The following TNNI3K variants were observed in gnomAD, a reference collection of about 807,000 sequenced individuals.
TNNI3K encodes the protein serine/threonine-protein kinase TNNI3K.
Under a neutral mutation model 114.5 loss-of-function variants are expected in TNNI3K, and 140 were observed. The ratio of observed to expected loss-of-function variants is 1.22; its 90% CI spans 1.07 to 1.41. The LOEUF (loss-of-function observed/expected upper bound fraction) is 1.41, where lower values mean the gene tolerates loss of function less well. TNNI3K is among the 40% of genes most tolerant of loss of function. TNNI3K has a pLI of 0.00. For synonymous variants in TNNI3K, 347 were observed against 347.5 expected (o/e 1.00, Z 0.02); for missense variants, 1,125 against 1,007.6 (o/e 1.12, Z -1.58).
intron 5 of TNNI3K, among the ~76,000 whole-genome samples, chr1:74,315,481 A>G (rs991745132): frequency 6.6e-6 from 1 of 152,038 alleles, no homozygotes; most frequent in African/African-American, 2.4e-5. Context: ...AGTAAGCTGG[A>G]TGGAGACTTG....
chr1:74,500,244 A>G (rs1415211872), intron 23 of TNNI3K, among the ~76,000 whole-genome samples: 1 of 152,002 alleles, frequency 6.6e-6, no homozygotes, highest in African/African-American at 2.4e-5. Flanking sequence ...ACTATGTTTT[A>G]TTTAGGCTTA....
intron 23 of TNNI3K, among the ~76,000 whole-genome samples, chr1:74,527,905 G>T (rs1341525765): frequency 6.6e-6 from 1 of 152,136 alleles, no homozygotes; most frequent in African/African-American, 2.4e-5. Flanking sequence ...GTGGTGGGTG[G>T]CACTGCCTGG....
intron 2 of TNNI3K, among the ~76,000 whole-genome samples, chr1:74,248,168 G>C (rs1654703102): frequency 1.3e-5 from 2 of 152,198 alleles, no homozygotes; most frequent in Admixed American, 1.3e-4. Context: ...GCCTCTCACT[G>C]CCCAGGGCTG....
At chr1:74,373,186 C>T (rs1472223504) in intron 17 of TNNI3K, 6 of 151,830 alleles carry the variant, frequency 4.0e-5, no homozygotes. Context: ...ACTAGAGTTC[C>T]ACTTTATATA....
intron 17 of TNNI3K, among the ~76,000 whole-genome samples, chr1:74,390,491 G>T (rs1196806869): frequency 6.6e-6 from 1 of 152,078 alleles, no homozygotes. Context: ...TATTCATTGA[G>T]GTCATCACAG....
intron 9 of TNNI3K, among the ~76,000 whole-genome samples, chr1:74,347,771 ATG>A (rs1442825816): frequency 1.3e-5 from 2 of 152,132 alleles, no homozygotes; most frequent in African/African-American, 4.8e-5. Flanking sequence ...GCATTTTTTC[ATG>A]TGTTTTTTGG....
At chr1:74,534,529 G>A (rs1646636384) in intron 23 of TNNI3K, among the ~76,000 whole-genome samples, 1 of 152,028 alleles carries the variant, frequency 6.6e-6, no homozygotes, top group African/African-American at 2.4e-5. Flanking sequence ...CTCTAAATGG[G>A]GCCATTTGGA....
rs113583262 is a variant in TNNI3K at position 74,450,796 on chromosome 1, G to A, written c.2011+11174G>A. Among the ~76,000 whole-genome samples the A allele has an allele frequency of 8.6e-3, 1,308 of 152,268 alleles. 22 individuals carry two copies. The highest frequency in any genetic ancestry group is 0.03 in the African/African-American group (1,230 of 41,550). On this transcript the variant is annotated intron_variant, in intron 20 of 24. Transcript: ENST00000326637. ...AAATAGGAATGCTTTTACACTGATG[G>A]TGGGTATGTAAATTGGTTCAACCAT...
Position 74,249,517 on chromosome 1 carries a change from C to G in TNNI3K, c.208C>G (p.Leu70Val). The change falls in exon 3 of 25, where the codon CTA (leucine) becomes GTA (valine). Residue 70 changes from leucine to valine, a missense_variant. Leu to Val is a conservative substitution (Grantham distance 32). Transcript: ENST00000326637. The part of the protein sequence containing the change: ...LNYRTENGLS[L>V]LHLCCICGGK... ...TTACCGCACTGAAAATGGGCTGTCT[C>G]TACTTCATTTATGTTGCATTTGTGG... 3 of 1,613,430 alleles carry G rather than the reference C, an allele frequency of 1.9e-6. No individual in the cohort carries two copies. Among genetic ancestry groups the G allele is most frequent in the Non-Finnish European group, 2.5e-6 (3 of 1,179,720 alleles).
intron 17 of TNNI3K, among the ~76,000 whole-genome samples, chr1:74,405,181 G>T (rs1664555425): frequency 6.6e-6 from 1 of 151,974 alleles, no homozygotes; most frequent in South Asian, 2.1e-4. Flanking sequence ...TTAGGTGCCA[G>T]TTGGATTATT....
At chr1:74,367,371 A>G (rs202160205) in intron 12 of TNNI3K, 29 bp downstream of exon 12, 8 of 1,606,920 alleles carry the variant, frequency 5.0e-6, no homozygotes, top group Non-Finnish European at 1.7e-6. Flanking sequence ...AGTTTTCATT[A>G]TTGTATAATA....
intron 11 of TNNI3K, among the ~76,000 whole-genome samples, chr1:74,360,974 C>T (rs932019693): frequency 2.6e-5 from 4 of 152,140 alleles, no homozygotes; most frequent in Non-Finnish European, 4.4e-5. Context: ...TTGTTGAAAT[C>T]AGTAAGAGAG....
At chr1:74,268,496 G>C (rs575464134) in intron 4 of TNNI3K, among the ~76,000 whole-genome samples, 2 of 151,928 alleles carry the variant, frequency 1.3e-5, no homozygotes, top group South Asian at 4.2e-4. Context: ...GTTTGTTGCA[G>C]TGCCTAACTC....
intron 23 of TNNI3K, among the ~76,000 whole-genome samples, chr1:74,538,824 G>C (rs1341415749): frequency 6.6e-6 from 1 of 152,120 alleles, no homozygotes; most frequent in East Asian, 1.9e-4. Flanking sequence ...GAGCTTGGAG[G>C]GTTCAAGAGA....
intron 23 of TNNI3K, among the ~76,000 whole-genome samples, chr1:74,518,399 C>A (rs1646379592): frequency 6.6e-6 from 1 of 152,048 alleles, no homozygotes; most frequent in Non-Finnish European, 1.5e-5. Flanking sequence ...CATTTTCGTT[C>A]TTCTTCTTTA....
chr1:74,432,231 AT>A (rs1375172848), intron 17 of TNNI3K, among the ~76,000 whole-genome samples: 1 of 152,104 alleles, frequency 6.6e-6, no homozygotes, highest in Admixed American at 6.6e-5. Flanking sequence ...ATCAAATCAA[AT>A]TTTGCTGATT....
chr1:74,250,738 G>C lies in TNNI3K; in HGVS notation c.302G>C (p.Gly101Ala). 6.2e-7 allele frequency: 1 copy of C among 1,612,568 alleles called. No homozygotes were observed. Among genetic ancestry groups the C allele is most frequent in the Non-Finnish European group, 8.5e-7 (1 of 1,179,436 alleles). The change falls in exon 4 of 25, where the codon GGA (glycine) becomes GCA (alanine). Residue 101 changes from glycine to alanine, a missense_variant. Transcript: ENST00000326637. ...CGCCCATCTCGACTGACAAGAAATG[G>C]ATTTACAGCCTTGCATTTAGCAGTT... ...GLRPSRLTRN[G>A]FTALHLAVYK... is the part of the protein sequence containing the mutation.
intron 21 of TNNI3K, among the ~76,000 whole-genome samples, chr1:74,473,700 C>T (rs369656140): frequency 1.3e-5 from 2 of 151,944 alleles, no homozygotes; most frequent in East Asian, 1.9e-4. Flanking sequence ...TAAGATCTGC[C>T]GTCAACATTC....
At chr1:74,338,268 C>T (rs1660580451) in intron 7 of TNNI3K, among the ~76,000 whole-genome samples, 1 of 151,418 alleles carries the variant, frequency 6.6e-6, no homozygotes, top group South Asian at 2.1e-4. Context: ...TGAGTGTGAT[C>T]CATTTGGGAA....
Sources: gnomAD v4.1 joint callset for allele counts (sites outside exome capture counted in the v4.1 genomes callset) on GRCh38, gnomAD v4.1.1 for gene constraint, MANE v1.5 for transcripts, NCBI Gene and HGNC (gene_info 2026-07-23, HGNC 2026-07-21) for gene names.